The following FMNL2 variants were observed in gnomAD, a reference collection of about 807,000 sequenced individuals.
FMNL2 encodes the protein formin like 2.
FMNL2 carries 51 observed loss-of-function variants against 130.2 expected under a neutral mutation model. The ratio of observed to expected loss-of-function variants is 0.39; its 90% CI spans 0.31 to 0.49. FMNL2 has a LOEUF of 0.49. FMNL2 is among the 20% of genes least tolerant of loss of function. The pLI, the probability that FMNL2 is intolerant of heterozygous loss-of-function variation, is 0.85. For missense variants in FMNL2, 977 were observed against 1,316.2 expected (o/e 0.74, Z 3.99); for synonymous variants, 465 against 467.1 (o/e 1.00, Z 0.06).
In FMNL2 at chr2:152,613,016, G is replaced by C. The variant is rs931935993; in HGVS notation, c.1062+1411G>C. On this transcript the variant is annotated intron_variant, in intron 11 of 25. Coordinates refer to ENST00000288670, the MANE Select transcript of FMNL2 (RefSeq NM_052905.4). ...TATTAGGAGACGGAATCACAGAGGT[G>C]GTTACTCTCAACCTGAAGGCCTTGC... 9.2e-5 allele frequency among the ~76,000 whole-genome samples: 14 copies of C among 152,306 alleles called. 2 individuals carry two copies. The Middle Eastern group carries it at 0.01, about 111-fold the overall frequency.
At chr2:152,521,530 T>C (rs541583387) in intron 1 of FMNL2, among the ~76,000 whole-genome samples, 1 of 152,330 alleles carries the variant, frequency 6.6e-6, no homozygotes, top group South Asian at 2.1e-4. Context: ...GTGAGTATAA[T>C]TTGAATCTAT....
chr2:152,346,739 G>T (rs1234849340), intron 1 of FMNL2, among the ~76,000 whole-genome samples: 3 of 151,998 alleles, frequency 2.0e-5, no homozygotes, highest in Admixed American at 2.0e-4. Context: ...TTCTTTCTTG[G>T]TCATTTTTTA....
At chr2:152,528,298 G>T (rs182096999) in intron 2 of FMNL2, among the ~76,000 whole-genome samples, 2 of 152,250 alleles carry the variant, frequency 1.3e-5, no homozygotes, top group East Asian at 3.9e-4. Context: ...TCCTACGGCT[G>T]CCATAACAAA....
intron 1 of FMNL2, among the ~76,000 whole-genome samples, chr2:152,410,069 C>T (rs561895235): frequency 1.8e-4 from 28 of 152,202 alleles, no homozygotes; most frequent in African/African-American, 6.5e-4. Context: ...AGTTCTGTCT[C>T]GGTCATGTTT....
chr2:152,380,744 G>A (rs1684416789), intron 1 of FMNL2, among the ~76,000 whole-genome samples: 1 of 152,200 alleles, frequency 6.6e-6, no homozygotes, highest in Non-Finnish European at 1.5e-5. Flanking sequence ...TATACACCCA[G>A]TATAGTTGGT....
chr2:152,584,959 G>A (rs1696987045), intron 9 of FMNL2, among the ~76,000 whole-genome samples: 1 of 152,094 alleles, frequency 6.6e-6, no homozygotes, highest in Admixed American at 6.5e-5. Context: ...GGTGGGGGTG[G>A]GATTGGGGTC....
chr2:152,517,383 A>G (rs1249450156), intron 1 of FMNL2, among the ~76,000 whole-genome samples: 1 of 152,168 alleles, frequency 6.6e-6, no homozygotes, highest in Non-Finnish European at 1.5e-5. Context: ...ACCGTTTGCC[A>G]TACTGTGCCA....
At chr2:152,422,744 G>C (rs536156773) in intron 1 of FMNL2, among the ~76,000 whole-genome samples, 1 of 152,134 alleles carries the variant, frequency 6.6e-6, no homozygotes, top group Non-Finnish European at 1.5e-5. Flanking sequence ...TCCCAGGCTG[G>C]TCTTGAACTC....
At chr2:152,346,850 G>A (rs1274375624) in intron 1 of FMNL2, among the ~76,000 whole-genome samples, 5 of 152,064 alleles carry the variant, frequency 3.3e-5, no homozygotes, top group African/African-American at 1.2e-4. Flanking sequence ...CCAGCACTTT[G>A]GGAGGCCGAG....
At chr2:152,525,699 A>G (rs1222414791) in intron 2 of FMNL2, among the ~76,000 whole-genome samples, 1 of 152,242 alleles carries the variant, frequency 6.6e-6, no homozygotes, top group East Asian at 1.9e-4. Flanking sequence ...ACTTAGACTC[A>G]GCTTCCTGTG....
intron 1 of FMNL2, among the ~76,000 whole-genome samples, chr2:152,398,890 A>G (rs1418046895): frequency 1.3e-5 from 2 of 152,228 alleles, no homozygotes; most frequent in African/African-American, 2.4e-5. Flanking sequence ...AGGCAATTGT[A>G]TTTGGTTTGG....
At chr2:152,618,799 A>G in intron 13 of FMNL2, 47 bp from the exon 14 acceptor site, 2 of 1,491,744 alleles carry the variant, frequency 1.3e-6, no homozygotes, top group Non-Finnish European at 9.0e-7. Context: ...GCTACTAAGT[A>G]TGAATGTTAT....
chr2:152,446,364 A>C (rs1040462733), intron 1 of FMNL2, among the ~76,000 whole-genome samples: 3 of 152,244 alleles, frequency 2.0e-5, no homozygotes, highest in Non-Finnish European at 4.4e-5. Context: ...GAATATTTAC[A>C]GATGAAATGA....
chr2:152,418,976 CTTT>C (rs34491065), intron 1 of FMNL2, among the ~76,000 whole-genome samples: 5 of 142,154 alleles, frequency 3.5e-5, no homozygotes, highest in Non-Finnish European at 3.0e-5. Flanking sequence ...GTGTCTTTTC[CTTT>C]TTTTTTTTTT....
intron 1 of FMNL2, among the ~76,000 whole-genome samples, chr2:152,343,361 TCTC>T (rs1158947713): frequency 2.6e-5 from 4 of 152,192 alleles, no homozygotes; most frequent in African/African-American, 9.6e-5. Context: ...AGTGGCGTGA[TCTC>T]AGCTCACTGC....
At chr2:152,546,679 C>A (rs1348571309) in intron 3 of FMNL2, among the ~76,000 whole-genome samples, 1 of 152,112 alleles carries the variant, frequency 6.6e-6, no homozygotes, top group East Asian at 1.9e-4. Context: ...CTGACAACCA[C>A]CTGTGCAGGC....
intron 1 of FMNL2, among the ~76,000 whole-genome samples, chr2:152,438,331 A>C (rs1194983213): frequency 6.6e-6 from 1 of 152,198 alleles, no homozygotes; most frequent in Non-Finnish European, 1.5e-5. Flanking sequence ...CTAGAAGTAA[A>C]AGCATGGCAA....
intron 3 of FMNL2, among the ~76,000 whole-genome samples, chr2:152,544,985 C>T (rs1694537890): frequency 6.6e-6 from 1 of 152,198 alleles, no homozygotes; most frequent in South Asian, 2.1e-4. Flanking sequence ...TTTGGGCCTT[C>T]ATTCCCGACA....
chr2:152,475,990 T>A (rs1322954671), intron 1 of FMNL2, among the ~76,000 whole-genome samples: 1 of 152,258 alleles, frequency 6.6e-6, no homozygotes, highest in Non-Finnish European at 1.5e-5. Flanking sequence ...TTTAGCACTT[T>A]GAGCAATTAT....
Sources: allele counts gnomAD v4.1 joint callset (sites outside exome capture counted in the v4.1 genomes callset), GRCh38; gene constraint gnomAD v4.1.1; transcripts MANE v1.5; gene names NCBI Gene and HGNC (gene_info 2026-07-23, HGNC 2026-07-21).